The following BASP1 variants were observed in gnomAD, a reference collection of about 807,000 sequenced individuals.
The protein encoded by BASP1 is brain acid soluble protein 1.
Under a neutral mutation model 2.2 loss-of-function variants are expected in BASP1, and 1 was observed. The ratio of observed to expected loss-of-function variants is 0.46; its 90% CI spans 0.16 to 2.17. The LOEUF is 2.17. BASP1 is among the 30% of genes most tolerant of loss of function. The pLI, the probability that BASP1 is intolerant of heterozygous loss-of-function variation, is 0.27. For missense variants in BASP1, 352 were observed against 327.2 expected (o/e 1.08, Z -0.58); for synonymous variants, 187 against 154.2 (o/e 1.21, Z -1.58).
chr5:17,253,214 T>C (rs1740135565), intron 1 of BASP1, among the ~76,000 whole-genome samples: 1 of 152,228 alleles, frequency 6.6e-6, no homozygotes, highest in Non-Finnish European at 1.5e-5. Flanking sequence ...TTTGTTTATT[T>C]GTATTTACTT....
chr5:17,225,272 A>T (rs1220558529), intron 1 of BASP1, among the ~76,000 whole-genome samples: 4 of 146,722 alleles, frequency 2.7e-5, no homozygotes, highest in African/African-American at 1.0e-4. Context: ...TAGAACCATT[A>T]AAAAAAAAAC....
At position 17,236,508 on chromosome 5, in the gene BASP1, G is replaced by A. The variant is rs952061124; in HGVS notation, c.-10+18698G>A. 4.6e-5 allele frequency among the ~76,000 whole-genome samples: 7 copies of A among 151,950 alleles called. No individual in the cohort carries two copies. The highest frequency in any genetic ancestry group is 1.7e-4 in the African/African-American group (7 of 41,352). ...TCAAACTCCTGACCTTAGGTGATCC[G>A]CCTGCCTCTGCCTCCCAAAGTGCTG... is the stretch of plus-strand genomic sequence containing the variant. On this transcript the variant is annotated intron_variant, in intron 1 of 1. Coordinates refer to ENST00000322611, the MANE Select transcript of BASP1 (RefSeq NM_006317.5). This position sits in a 1 kb window ranked among gnomAD's most constrained non-coding sequence, Gnocchi z 4.0.
chr5:17,262,025 A>T (rs1047335135), intron 1 of BASP1, among the ~76,000 whole-genome samples: 2 of 152,146 alleles, frequency 1.3e-5, no homozygotes, highest in African/African-American at 2.4e-5. Context: ...TTTTTGTAGC[A>T]GCATATGCCT....
intron 1 of BASP1, among the ~76,000 whole-genome samples, chr5:17,242,847 TTAAA>T (rs1006896487): frequency 6.6e-6 from 1 of 151,450 alleles, no homozygotes; most frequent in Non-Finnish European, 1.5e-5. Context: ...TCAACTCAGT[TTAAA>T]AAAAAAAAAA....
At chr5:17,246,877 T>A (rs1166206066) in intron 1 of BASP1, among the ~76,000 whole-genome samples, 3 of 152,190 alleles carry the variant, frequency 2.0e-5, no homozygotes, top group Non-Finnish European at 4.4e-5. Context: ...TTCCATCAGT[T>A]ACCTTGTATC....
upstream of BASP1, chr5:17,217,546 G>A (rs1269570562): frequency 2.3e-5 from 3 of 130,294 alleles, no homozygotes; most frequent in Non-Finnish European, 5.0e-5. Context: ...TGGGCGGGCG[G>A]ACGCGCGGGG....
intron 1 of BASP1, among the ~76,000 whole-genome samples, chr5:17,247,771 T>C (rs1740024278): frequency 6.6e-6 from 1 of 152,242 alleles, no homozygotes; most frequent in Admixed American, 6.5e-5. Context: ...TGGCGCTTCG[T>C]ATGTACATTT....
chr5:17,238,702 C>T (rs910151041), intron 1 of BASP1, among the ~76,000 whole-genome samples: 10 of 152,154 alleles, frequency 6.6e-5, no homozygotes, highest in African/African-American at 2.4e-5. Flanking sequence ...ACGAATGGTT[C>T]ATGCTTTCTG....
At chr5:17,218,863 A>C (rs1232011512) in intron 1 of BASP1, among the ~76,000 whole-genome samples, 1 of 151,740 alleles carries the variant, frequency 6.6e-6, no homozygotes, top group Non-Finnish European at 1.5e-5. Flanking sequence ...ACGCTTGGCC[A>C]GGCTCCTTAT....
At chr5:17,222,714 A>G (rs1213573680) in intron 1 of BASP1, among the ~76,000 whole-genome samples, 1 of 152,150 alleles carries the variant, frequency 6.6e-6, no homozygotes, top group Non-Finnish European at 1.5e-5. Context: ...TAAATAACAT[A>G]AAAAATTATT....
rs1018344686 is a variant in BASP1 at position 17,268,534 on chromosome 5, G to T, written c.-9-6674G>T. Among the ~76,000 whole-genome samples the T allele has an allele frequency of 2.0e-5, 3 of 152,274 alleles. No homozygotes were observed. The South Asian group carries it at 6.2e-4, about 32-fold the overall frequency. Reference sequence around the variant, plus strand: ...CCTATTATAGTTTGTAAGAATTGTGGTTTTTTAGTGAAATTCTTAGCTATT... The same window carrying T: ...CCTATTATAGTTTGTAAGAATTGTGTTTTTTTAGTGAAATTCTTAGCTATT... On this transcript the variant is annotated intron_variant, in intron 1 of 1. Coordinates refer to ENST00000322611, the MANE Select transcript of BASP1 (RefSeq NM_006317.5).
At chr5:17,245,094 G>A (rs1234551806) in intron 1 of BASP1, among the ~76,000 whole-genome samples, 1 of 151,320 alleles carries the variant, frequency 6.6e-6, no homozygotes. Context: ...TTGAGGTCAG[G>A]AGTTCAAGAC....
At chr5:17,247,953 C>G (rs1740028018) in intron 1 of BASP1, among the ~76,000 whole-genome samples, 1 of 152,148 alleles carries the variant, frequency 6.6e-6, no homozygotes, top group East Asian at 1.9e-4. Flanking sequence ...TGTTTGCATC[C>G]TAGGCCACCA....
intron 1 of BASP1, among the ~76,000 whole-genome samples, chr5:17,231,238 A>G (rs541989642): frequency 6.6e-6 from 1 of 152,286 alleles, no homozygotes; most frequent in East Asian, 1.9e-4. Flanking sequence ...TTCCTGGTAG[A>G]TAGCACCTTC....
chr5:17,273,132 G>A (rs1740563106), intron 1 of BASP1, among the ~76,000 whole-genome samples: 1 of 152,152 alleles, frequency 6.6e-6, no homozygotes, highest in Non-Finnish European at 1.5e-5. Context: ...TATCAGAGCT[G>A]AAATTATATT....
At position 17,247,343 on chromosome 5, in the gene BASP1, G is replaced by A. The variant is rs193258812; in HGVS notation, c.-9-27865G>A. On this transcript the variant is annotated intron_variant, in intron 1 of 1. Coordinates refer to ENST00000322611, the MANE Select transcript of BASP1 (RefSeq NM_006317.5). The stretch of plus-strand genomic sequence containing the variant: ...GGATCTCAGAGCTTTTTATCCAGGT[G>A]CCCAGAGGCTGAGAAAATGCCCCAT... 1.2e-3 allele frequency among the ~76,000 whole-genome samples: 180 copies of A among 152,302 alleles called. 1 individual carries two copies. Among genetic ancestry groups the A allele is most frequent in the Non-Finnish European group, 1.4e-3 (96 of 68,022 alleles).
At chr5:17,247,555 T>C (rs565555029) in intron 1 of BASP1, among the ~76,000 whole-genome samples, 2 of 152,352 alleles carry the variant, frequency 1.3e-5, no homozygotes, top group Admixed American at 6.5e-5. Context: ...GCTTTTAGAC[T>C]GATCTGAAGT....
intron 1 of BASP1, among the ~76,000 whole-genome samples, chr5:17,258,650 G>A (rs886585488): frequency 3.9e-5 from 6 of 152,132 alleles, no homozygotes; most frequent in Non-Finnish European, 8.8e-5. Flanking sequence ...AGGGGCAGTT[G>A]GTATTGAATT....
At chr5:17,274,580 T>C (rs2126523129) in intron 1 of BASP1, among the ~76,000 whole-genome samples, 1 of 152,286 alleles carries the variant, frequency 6.6e-6, no homozygotes, top group East Asian at 1.9e-4. Flanking sequence ...GTTCCACGCT[T>C]GGTGTTTGCA....
Sources: gnomAD v4.1 joint callset for allele counts (sites outside exome capture counted in the v4.1 genomes callset) on GRCh38, gnomAD v4.1.1 for gene constraint, Gnocchi (gnomAD v3.1) non-coding constraint, MANE v1.5 for transcripts, NCBI Gene and HGNC (gene_info 2026-07-23, HGNC 2026-07-21) for gene names.